Variants in SDK2 observed in about 807,000 individuals in gnomAD.
SDK2 encodes protein sidekick-2.
In SDK2, 105 loss-of-function variants were observed where a neutral mutation model predicts 253.9. That is an observed-to-expected ratio of 0.41 (90% CI 0.35 to 0.49). The LOEUF is 0.49. SDK2 is among the 20% of genes least tolerant of loss of function. The pLI is 0.06. For synonymous variants in SDK2, 1,249 were observed against 1,234.9 expected (o/e 1.01, Z -0.24); for missense variants, 2,608 against 3,003.0 (o/e 0.87, Z 3.07).
At chr17:73,387,700 C>T in intron 30 of SDK2, 136 bp downstream of exon 30, 1 of 732,138 alleles carries the variant, frequency 1.4e-6, no homozygotes, top group Non-Finnish European at 2.2e-6. Context: ...CGGGGGCCGC[C>T]TGGGTGGTGC....
At chr17:73,429,237 C>A (rs1295867894) in intron 12 of SDK2, among the ~76,000 whole-genome samples, 1 of 152,144 alleles carries the variant, frequency 6.6e-6, no homozygotes, top group Non-Finnish European at 1.5e-5. Context: ...TATGTGGGTT[C>A]TCTCCCAGGA....
rs1488252543 is a variant in SDK2 at position 73,443,544 on chromosome 17, C to T, written c.614-2621G>A. On this transcript the variant is annotated intron_variant, in intron 5 of 44. Transcript: ENST00000392650. The surrounding 1 kb of genome is among the most constrained non-coding windows in gnomAD (Gnocchi z 4.6). ...GTAAACAGGGAGACCTCAAGGAAGG[C>T]GAGTTCTGAGTTTAAAAATACGAGG... Among the ~76,000 whole-genome samples the T allele has an allele frequency of 3.9e-5, 6 of 152,196 alleles. No individual in the cohort carries two copies. Among genetic ancestry groups the T allele is most frequent in the African/African-American group, 1.2e-4 (5 of 41,456 alleles).
intron 36 of SDK2, among the ~76,000 whole-genome samples, chr17:73,376,788 C>T (rs916912717): frequency 6.6e-6 from 1 of 152,146 alleles, no homozygotes; most frequent in African/African-American, 2.4e-5. Context: ...TTTAGTTTTC[C>T]CAGCTGGTGC....
intron 12 of SDK2, among the ~76,000 whole-genome samples, chr17:73,426,023 T>C (rs1198513245): frequency 6.6e-6 from 1 of 151,906 alleles, no homozygotes; most frequent in Admixed American, 6.6e-5. Flanking sequence ...CAGCAATCTA[T>C]TCAGCCATCC....
intron 2 of SDK2, among the ~76,000 whole-genome samples, chr17:73,497,448 A>G (rs970267445): frequency 5.3e-5 from 8 of 152,052 alleles, no homozygotes; most frequent in Non-Finnish European, 8.8e-5. Flanking sequence ...GTCCTAAATT[A>G]ATATCTTCAG....
rs1400807312 is a variant in SDK2, at chr17:73,534,739, G to A, written c.65-27142C>T. ...TGCCTGACAGCTGAGAGTGGAGTAGGCCTAGGCCCTGACCTTTCTTCCTCT... is the reference window on the plus strand; with the variant it reads ...TGCCTGACAGCTGAGAGTGGAGTAGACCTAGGCCCTGACCTTTCTTCCTCT... On this transcript the variant is annotated intron_variant, in intron 1 of 44. Transcript: ENST00000392650. The surrounding 1 kb of genome is among the most constrained non-coding windows in gnomAD (Gnocchi z 4.9). Among the ~76,000 whole-genome samples the A allele has an allele frequency of 6.6e-6, 1 of 152,264 alleles. No homozygotes were observed. The highest frequency in any genetic ancestry group is 1.5e-5 in the Non-Finnish European group (1 of 68,006).
At chr17:73,424,925 CAAAAG>C (rs2063267371) in intron 12 of SDK2, among the ~76,000 whole-genome samples, 1 of 152,204 alleles carries the variant, frequency 6.6e-6, no homozygotes, top group Non-Finnish European at 1.5e-5. Context: ...ACCTAAGTTT[CAAAAG>C]CAGAACCAGG....
chr17:73,385,809 TG>T, intron 32 of SDK2, 37 bp downstream of exon 32: 1 of 1,560,634 alleles, frequency 6.4e-7, no homozygotes, highest in Non-Finnish European at 8.7e-7. Flanking sequence ...AGAGCTCGTC[TG>T]GGTCTTCACG....
chr17:73,389,170 C>CTGA (rs2062905282), intron 29 of SDK2, among the ~76,000 whole-genome samples: 1 of 144,326 alleles, frequency 6.9e-6, no homozygotes, highest in African/African-American at 2.6e-5. Context: ...CCACACCTGG[C>CTGA]TGATATTCCT....
chr17:73,448,557 G>A (rs1482491103), intron 4 of SDK2, among the ~76,000 whole-genome samples: 2 of 151,948 alleles, frequency 1.3e-5, no homozygotes, highest in Non-Finnish European at 2.9e-5. Context: ...GTAGGGACAG[G>A]GTTTCACTTT....
chr17:73,470,361 A>T (rs571629482), intron 3 of SDK2, among the ~76,000 whole-genome samples: 8 of 152,234 alleles, frequency 5.3e-5, no homozygotes, highest in African/African-American at 1.7e-4. Context: ...TCCCAGACAC[A>T]TGTGAACAAA....
intron 44 of SDK2, among the ~76,000 whole-genome samples, chr17:73,339,497 C>T (rs1410265103): frequency 2.0e-5 from 3 of 151,548 alleles, no homozygotes; most frequent in African/African-American, 4.8e-5. Context: ...ACTGGGATTA[C>T]AGGTGTCAGC....
chr17:73,625,824 T>C (rs535017604), intron 1 of SDK2, among the ~76,000 whole-genome samples: 1 of 152,204 alleles, frequency 6.6e-6, no homozygotes, highest in African/African-American at 2.4e-5. Flanking sequence ...TTTGTATTTT[T>C]AGTAGAGACA....
intron 40 of SDK2, among the ~76,000 whole-genome samples, chr17:73,356,715 T>A (rs1263918082): frequency 1.3e-5 from 2 of 152,134 alleles, no homozygotes; most frequent in African/African-American, 4.8e-5. Flanking sequence ...CTGTGCCTGG[T>A]TACTGATCCT....
chr17:73,400,240 CT>C (rs1252598638), intron 21 of SDK2, among the ~76,000 whole-genome samples: 1 of 152,174 alleles, frequency 6.6e-6, no homozygotes, highest in Non-Finnish European at 1.5e-5. Flanking sequence ...GGTTGTAGGG[CT>C]TGGCAGAAGC....
chr17:73,455,949 T>G lies in SDK2; in HGVS notation c.436A>C (p.Thr146Pro), dbSNP rs1599583030. The G allele has an allele frequency of 6.5e-7, 1 of 1,547,446 alleles. No homozygotes were observed. Among genetic ancestry groups the G allele is most frequent in the Non-Finnish European group, 8.7e-7 (1 of 1,146,148 alleles). The change falls in exon 4 of 45, where the codon ACC becomes CCC. Residue 146 changes from threonine (T) to proline (P), a missense_variant. Thr to Pro is a conservative substitution (Grantham distance 38). Transcript: ENST00000392650. The surrounding 1 kb of genome is among the most constrained non-coding windows in gnomAD (Gnocchi z 5.0). The stretch of plus-strand genomic sequence containing the variant: ...ATCTTGCGGCCGTCCCGGAACCAGG[T>G]CACCTGTGGCTGGGGGAAGCTGGCG... ...RIASFPQPQV[T>P]WFRDGRKIPP...
At chr17:73,479,713 CAGAG>C (rs2063709546) in intron 2 of SDK2, among the ~76,000 whole-genome samples, 1 of 152,062 alleles carries the variant, frequency 6.6e-6, no homozygotes, top group Non-Finnish European at 1.5e-5. Context: ...ATTTTTGAGA[CAGAG>C]TCTCGCTCTG....
intron 9 of SDK2, 133 bp from the exon 10 acceptor site, chr17:73,433,981 A>G: frequency 3.2e-6 from 2 of 626,962 alleles, no homozygotes; most frequent in Admixed American, 3.1e-5. Context: ...GCCCTCCACG[A>G]GGAAGGATGT....
intron 1 of SDK2, among the ~76,000 whole-genome samples, chr17:73,583,984 T>C (rs559376438): frequency 6.6e-6 from 1 of 152,320 alleles, no homozygotes; most frequent in South Asian, 2.1e-4. Flanking sequence ...GGAGCCCACC[T>C]GGAATGGTTT....
Sources: gnomAD v4.1 joint callset for allele counts (sites outside exome capture counted in the v4.1 genomes callset) on GRCh38, gnomAD v4.1.1 for gene constraint, Gnocchi (gnomAD v3.1) non-coding constraint, MANE v1.5 for transcripts, NCBI Gene and HGNC (gene_info 2026-07-23, HGNC 2026-07-21) for gene names.